The following PEBP4 variants were observed in gnomAD, a reference collection of about 807,000 sequenced individuals.
PEBP4 encodes the protein phosphatidylethanolamine-binding protein 4.
Under a neutral mutation model 23.9 loss-of-function variants are expected in PEBP4, and 22 were observed. The observed-to-expected ratio is 0.92, with a 90% CI of 0.66 to 1.31. The LOEUF (loss-of-function observed/expected upper bound fraction) is 1.31, where lower values mean the gene tolerates loss of function less well. PEBP4 is among the 40% of genes most tolerant of loss of function. The pLI is 0.00. For synonymous variants in PEBP4, 112 were observed against 99.3 expected, an observed-to-expected ratio of 1.13 and a Z score of -0.76; for missense variants, 324 against 281.7, an observed-to-expected ratio of 1.15 and a Z score of -1.07.
At chr8:22,899,493 T>C (rs1283131277) in intron 3 of PEBP4, among the ~76,000 whole-genome samples, 3 of 152,172 alleles carry the variant, frequency 2.0e-5, no homozygotes, top group Non-Finnish European at 4.4e-5. Flanking sequence ...AAGAAGTGTG[T>C]TGGTTAGCAT....
rs557398850 is a variant in PEBP4 at position 22,754,329 on chromosome 8, C to T, written c.358-27109G>A. ...ACTGCGGGTGTATTAAGATCAGAGACCTTGTCTCTGTGACTGAATCCTCAC... is the reference window on the plus strand; with the variant it reads ...ACTGCGGGTGTATTAAGATCAGAGATCTTGTCTCTGTGACTGAATCCTCAC... On this transcript the variant is annotated intron_variant, in intron 4 of 6. Coordinates refer to ENST00000256404, the MANE Select transcript of PEBP4 (RefSeq NM_144962.3). Among the ~76,000 whole-genome samples, 8 of 152,290 alleles carry T rather than the reference C, an allele frequency of 5.3e-5. No homozygotes were observed. In the South Asian group the frequency reaches 1.5e-3, roughly 28 times the overall value.
intron 4 of PEBP4, among the ~76,000 whole-genome samples, chr8:22,727,750 G>A (rs1022876879): frequency 2.0e-5 from 3 of 152,136 alleles, no homozygotes; most frequent in Non-Finnish European, 4.4e-5. Context: ...AGCAGGAGGA[G>A]GCTACACTGC....
At chr8:22,804,459 A>G (rs1441380718) in intron 4 of PEBP4, among the ~76,000 whole-genome samples, 3 of 151,976 alleles carry the variant, frequency 2.0e-5, no homozygotes, top group Admixed American at 2.0e-4. Context: ...CCAGATGCAC[A>G]TTTTTTCTTT....
chr8:22,800,615 A>T (rs1482621341), intron 4 of PEBP4, among the ~76,000 whole-genome samples: 1 of 152,134 alleles, frequency 6.6e-6, no homozygotes, highest in Non-Finnish European at 1.5e-5. Context: ...TCCCTGGGCA[A>T]ACCGCACATC....
intron 4 of PEBP4, among the ~76,000 whole-genome samples, chr8:22,780,197 C>T (rs1013228046): frequency 6.6e-6 from 1 of 152,176 alleles, no homozygotes; most frequent in Non-Finnish European, 1.5e-5. Flanking sequence ...CTCCTAAGCT[C>T]AAGCAATCTG....
intron 3 of PEBP4, among the ~76,000 whole-genome samples, chr8:22,839,507 C>T (rs900372129): frequency 5.3e-5 from 8 of 152,194 alleles, no homozygotes; most frequent in Non-Finnish European, 1.2e-4. Context: ...CATCTCAACA[C>T]CTTGCTTTCT....
chr8:22,791,597 AG>A (rs1336595954), intron 4 of PEBP4, among the ~76,000 whole-genome samples: 1 of 152,160 alleles, frequency 6.6e-6, no homozygotes, highest in African/African-American at 2.4e-5. Context: ...CATTCATTTT[AG>A]GGTCCTCTAC....
At chr8:22,880,167 G>T (rs1017743274) in intron 3 of PEBP4, among the ~76,000 whole-genome samples, 12 of 152,134 alleles carry the variant, frequency 7.9e-5, no homozygotes, top group African/African-American at 2.7e-4. Context: ...GATTGGGAGG[G>T]GTGACAAAGC....
At chr8:22,722,921 C>T (rs1268052884) in intron 6 of PEBP4, among the ~76,000 whole-genome samples, 1 of 150,898 alleles carries the variant, frequency 6.6e-6, no homozygotes, top group Admixed American at 6.7e-5. Context: ...TATAGGCGCC[C>T]ACCGCCACGC....
rs1008125150 is a variant in PEBP4, at chr8:22,806,035, T to C, written c.357+11602A>G. Among the ~76,000 whole-genome samples, 8 of 152,194 alleles carry C rather than the reference T, an allele frequency of 5.3e-5. No homozygotes were observed. In the East Asian group the frequency reaches 5.8e-4, roughly 11 times the overall value. On this transcript the variant is annotated intron_variant, in intron 4 of 6. Transcript: ENST00000256404. ...TCCCACATTGTGGCTTGACATTCTA[T>C]TATTAGCTTAAAATTTAGATTAAAA...
intron 6 of PEBP4, among the ~76,000 whole-genome samples, chr8:22,717,814 C>T (rs1430285683): frequency 6.6e-6 from 1 of 152,126 alleles, no homozygotes; most frequent in Admixed American, 6.5e-5. Flanking sequence ...AGAGAAAAAA[C>T]AAAAACTCAA....
chr8:22,766,578 G>A (rs898135265), intron 4 of PEBP4, among the ~76,000 whole-genome samples: 6 of 152,308 alleles, frequency 3.9e-5, no homozygotes, highest in Non-Finnish European at 5.9e-5. Flanking sequence ...GCGATGATGC[G>A]ACCTGGTGCC....
chr8:22,797,056 G>C (rs112091488), intron 4 of PEBP4, among the ~76,000 whole-genome samples: 34,059 of 151,594 alleles, frequency 0.22, 4,052 homozygotes, highest in East Asian at 0.29. Context: ...GGGAGTTTGA[G>C]ACCAGCCTGA....
At chr8:22,910,934 A>ACTATGGAGT (rs1554496694) in intron 3 of PEBP4, among the ~76,000 whole-genome samples, 11 of 151,918 alleles carry the variant, frequency 7.2e-5, no homozygotes, top group African/African-American at 2.7e-4. Flanking sequence ...CCTAATGTGA[A>ACTATGGAGT]CTATGGATTT....
At chr8:22,847,336 T>C (rs557375891) in intron 3 of PEBP4, among the ~76,000 whole-genome samples, 1 of 152,288 alleles carries the variant, frequency 6.6e-6, no homozygotes, top group African/African-American at 2.4e-5. Context: ...ATTTAAAATA[T>C]ATCCTTGGAA....
intron 1 of PEBP4, among the ~76,000 whole-genome samples, chr8:22,940,340 C>T (rs139667066): frequency 6.6e-6 from 1 of 152,108 alleles, no homozygotes; most frequent in African/African-American, 2.4e-5. Context: ...ACCAAAGTGG[C>T]CTTTCTGAGG....
intron 4 of PEBP4, among the ~76,000 whole-genome samples, chr8:22,808,909 G>T (rs1806557668): frequency 1.3e-5 from 2 of 152,178 alleles, no homozygotes; most frequent in African/African-American, 4.8e-5. Context: ...GTGTGGGTCA[G>T]ACAATCAATC....
At chr8:22,854,989 T>G (rs1807612007) in intron 3 of PEBP4, among the ~76,000 whole-genome samples, 1 of 143,068 alleles carries the variant, frequency 7.0e-6, no homozygotes, top group African/African-American at 2.6e-5. Flanking sequence ...TGTGTATGTG[T>G]GAGTATGCAC....
intron 3 of PEBP4, among the ~76,000 whole-genome samples, chr8:22,847,379 C>A (rs542677131): frequency 1.3e-5 from 2 of 152,276 alleles, no homozygotes; most frequent in East Asian, 3.9e-4. Flanking sequence ...ATCTTTTTCT[C>A]TGCTCTCTTG....
Sources: gnomAD v4.1 joint callset for allele counts (sites outside exome capture counted in the v4.1 genomes callset) on GRCh38, gnomAD v4.1.1 for gene constraint, MANE v1.5 for transcripts, NCBI Gene and HGNC (gene_info 2026-07-23, HGNC 2026-07-21) for gene names.